FSIP2: variants seen among roughly 807,000 people sequenced by gnomAD.
FSIP2 encodes the protein fibrous sheath-interacting protein 2.
FSIP2 carries 367 observed loss-of-function variants against 510.5 expected under a neutral mutation model. That is an observed-to-expected ratio of 0.72 (90% CI 0.66 to 0.78). The LOEUF (loss-of-function observed/expected upper bound fraction) is 0.78, where lower values mean the gene tolerates loss of function less well. Ranked by LOEUF, FSIP2 falls within the 30% of genes least tolerant of loss-of-function variation. The pLI is 0.00. For missense variants in FSIP2, 7,594 were observed against 7,901.7 expected (o/e 0.96, Z 1.48); for synonymous variants, 2,601 against 2,732.2 (o/e 0.95, Z 1.50).
chr2:185,810,848 G>A (rs1693713551), intron 17 of FSIP2, among the ~76,000 whole-genome samples: 1 of 151,930 alleles, frequency 6.6e-6, no homozygotes, highest in Non-Finnish European at 1.5e-5. Context: ...GATGGACAAT[G>A]GTAATATGGA....
At chr2:185,826,752 G>T (rs528306403) in intron 20 of FSIP2, among the ~76,000 whole-genome samples, 1 of 151,886 alleles carries the variant, frequency 6.6e-6, no homozygotes, top group African/African-American at 2.4e-5. Context: ...AATGAGATAG[G>T]AGAGACTATT....
At chr2:185,761,562 T>A (rs11682752) in intron 10 of FSIP2, among the ~76,000 whole-genome samples, 28,174 of 151,188 alleles carry the variant, frequency 0.19, 2,952 homozygotes, top group Non-Finnish European at 0.23. Flanking sequence ...CCTGGAATGA[T>A]GAATTTTACT....
In FSIP2 at chr2:185,803,704, C is replaced by G. The variant is rs961212144; in HGVS notation, c.14398C>G (p.Gln4800Glu). The change falls in exon 17 of 23, where the codon CAG becomes GAG. Residue 4800 changes from glutamine (Q) to glutamate (E), a missense_variant. Gln to Glu is a conservative substitution (Grantham distance 29). Transcript: ENST00000424728. ...TAGTCATTTGGAAAAAATAGTTACT[C>G]AGCTTACATCTCAGATAAGTCCATT... ...SHSHLEKIVT[Q>E]LTSQISPLNT... 131 of 1,532,428 alleles carry G rather than the reference C, an allele frequency of 8.5e-5. No individual in the cohort carries two copies. The Middle Eastern group carries it at 1.8e-3, about 21-fold the overall frequency. 94.9% of individuals were successfully genotyped at this position (1,532,428 alleles called of 1,614,324 possible).
At position 185,805,861 on chromosome 2, in the gene FSIP2, G is replaced by A. The variant is rs1342543979; in HGVS notation, c.16555G>A (p.Glu5519Lys). The change falls in exon 17 of 23, where the codon GAA (glutamate) becomes AAA (lysine). Residue 5519 changes from glutamate (E) to lysine (K), a missense_variant. Glu to Lys is a moderately conservative substitution (Grantham distance 56). Transcript: ENST00000424728. ...GLATGVTNKKEVDENKVGICT... is the reference protein window; with the variant it reads ...GLATGVTNKKKVDENKVGICT... ...GGCTACAGGTGTGACAAATAAAAAG[G>A]AAGTGGATGAAAATAAAGTGGGAAT... 5.6e-6 allele frequency: 9 copies of A among 1,608,264 alleles called. No individual in the cohort carries two copies. The Admixed American group carries it at 1.5e-4, about 27-fold the overall frequency.
rs1693529866 is a variant in FSIP2 at position 185,804,990 on chromosome 2, G to T, written c.15684G>T (p.Met5228Ile). ...TCAGTAAATTAGCTGGTTTTATTAT[G>T]AAAGAAATCATGTATCATCATTTAC... Reference protein sequence around the residue: ...SFLSKLAGFIMKEIMYHHLQP... With the variant: ...SFLSKLAGFIIKEIMYHHLQP... Residue 5228 changes from methionine (M) to isoleucine (I), a missense_variant, in exon 17 of 23, where the codon ATG becomes ATT. Met to Ile is a conservative substitution (Grantham distance 10, BLOSUM62 1). Coordinates refer to ENST00000424728, the MANE Select transcript of FSIP2 (RefSeq NM_173651.4). 4 of 1,564,276 alleles carry T rather than the reference G, an allele frequency of 2.6e-6. No individual in the cohort carries two copies. The highest frequency in any genetic ancestry group is 3.4e-6 in the Non-Finnish European group (4 of 1,160,222).
chr2:185,791,282 G>A lies in FSIP2; in HGVS notation c.4146G>A (p.Lys1382=). 6.5e-7 allele frequency: 1 copy of A among 1,534,070 alleles called. No homozygotes were observed. Among genetic ancestry groups the A allele is most frequent in the Middle Eastern group, 1.7e-4 (1 of 5,970 alleles). The change falls in exon 16 of 23, where the codon AAG becomes AAA. Residue 1382 remains lysine, a synonymous_variant. Transcript: ENST00000424728. ...HQRSISLSSR[K]PKSATDSVDV... ...GAAGCATTTCACTCTCTTCTCGTAA[G>A]CCAAAGTCTGCAACTGACAGTGTTG...
intron 4 of FSIP2, 36 bp downstream of exon 4, chr2:185,744,447 G>C: frequency 2.0e-6 from 1 of 497,568 alleles, no homozygotes; most frequent in African/African-American, 2.0e-5. Context: ...TATTTACATA[G>C]AGTTTGGAAG....
chr2:185,773,017 T>C (rs1301687906), intron 13 of FSIP2, among the ~76,000 whole-genome samples: 1 of 152,026 alleles, frequency 6.6e-6, no homozygotes, highest in Non-Finnish European at 1.5e-5. Flanking sequence ...CATGCCACCA[T>C]ACCAGCTAGT....
In FSIP2 at chr2:185,744,762, T is replaced by C. The variant is rs542673161; in HGVS notation, c.477+351T>C. The C allele has an allele frequency of 1.3e-3, 196 of 153,292 alleles. 2 individuals carry two copies. The highest frequency in any genetic ancestry group is 1.9e-3 in the Non-Finnish European group (130 of 68,750). The allele number at this position is 153,292 out of a possible 1,614,324, so 9.5% of individuals were successfully genotyped here. A position where few individuals can be genotyped will look rare whatever the true frequency, so the allele number is the denominator to read the frequency against. ...TTGAAACCTAAAACAGTTTGAGCCA[T>C]AGGAAAAGAACAATAATTATCTGTA... On this transcript the variant is annotated intron_variant, in intron 4 of 22. Coordinates refer to ENST00000424728, the MANE Select transcript of FSIP2 (RefSeq NM_173651.4).
chr2:185,772,682 A>C (rs888572427), intron 13 of FSIP2, among the ~76,000 whole-genome samples: 11 of 152,172 alleles, frequency 7.2e-5, no homozygotes, highest in African/African-American at 2.7e-4. Context: ...CTGGGAGATT[A>C]CATTTCAAAC....
At position 185,803,939 on chromosome 2, in the gene FSIP2, A is replaced by C; in HGVS notation, c.14633A>C (p.Gln4878Pro). The C allele has an allele frequency of 6.6e-7, 1 of 1,511,986 alleles. No homozygotes were observed. Among genetic ancestry groups the C allele is most frequent in the Non-Finnish European group, 8.8e-7 (1 of 1,131,152 alleles). The allele number at this position is 1,511,986 out of a possible 1,614,324, so 93.7% of individuals were successfully genotyped here. ...YADLSHSNIY[Q>P]SITKDKKSIS... ...GATCTTTCTCATTCAAATATATACC[A>C]GTCCATTACAAAAGATAAAAAGAGC... is the stretch of plus-strand genomic sequence containing the variant. Residue 4878 changes from glutamine to proline, a missense_variant, in exon 17 of 23, where the codon CAG (glutamine) becomes CCG (proline). By Grantham distance (76) the Gln-to-Pro change is moderately conservative. Coordinates refer to ENST00000424728, the MANE Select transcript of FSIP2 (RefSeq NM_173651.4).
chr2:185,818,351 A>G (rs1356662016), intron 19 of FSIP2, among the ~76,000 whole-genome samples: 1 of 151,948 alleles, frequency 6.6e-6, no homozygotes, highest in Non-Finnish European at 1.5e-5. Context: ...ATCAGGCAGA[A>G]CAATATACAC....
In FSIP2 at chr2:185,792,727, T is replaced by C; in HGVS notation, c.5591T>C (p.Val1864Ala). The change falls in exon 16 of 23, where the codon GTA (valine) becomes GCA (alanine). Residue 1864 changes from valine (V) to alanine (A), a missense_variant. Coordinates refer to ENST00000424728, the MANE Select transcript of FSIP2 (RefSeq NM_173651.4). ...LYSAAMTERN[V>A]RENRYKTITF... ...TCAGCTGCCATGACAGAAAGAAATG[T>C]AAGGGAAAATAGGTATAAAACTATC... 2 of 1,533,984 alleles carry C rather than the reference T, an allele frequency of 1.3e-6. No homozygotes were observed. The highest frequency in any genetic ancestry group is 1.7e-4 in the Middle Eastern group (1 of 5,974).
intron 12 of FSIP2, among the ~76,000 whole-genome samples, chr2:185,764,102 C>T (rs1692410888): frequency 6.6e-6 from 1 of 151,352 alleles, no homozygotes; most frequent in Non-Finnish European, 1.5e-5. Flanking sequence ...AAAAAAATTC[C>T]TTTAAAAACA....
chr2:185,802,587 A>G lies in FSIP2; in HGVS notation c.13281A>G (p.Ser4427=). 6.5e-7 allele frequency: 1 copy of G among 1,531,080 alleles called. No individual in the cohort carries two copies. Among genetic ancestry groups the G allele is most frequent in the Non-Finnish European group, 8.7e-7 (1 of 1,144,628 alleles). The allele number at this position is 1,531,080 out of a possible 1,614,324, so 94.8% of individuals were successfully genotyped here. The change falls in exon 17 of 23, where the codon TCA becomes TCG. Residue 4427 remains serine (S), a synonymous_variant. Coordinates refer to ENST00000424728, the MANE Select transcript of FSIP2 (RefSeq NM_173651.4). ...ATCCACTGTTTTCTGGGGATTTTTC[A>G]GCTTCTACCTATTCTAATTCAGTGG... ...LLHPLFSGDF[S]ASTYSNSVAE... is the part of the protein sequence containing the mutation.
intron 2 of FSIP2, 80 bp downstream of exon 2, chr2:185,739,551 T>C: frequency 8.0e-7 from 1 of 1,244,480 alleles, no homozygotes; most frequent in Non-Finnish European, 1.0e-6. Context: ...CATACAAAAT[T>C]CATTAAAGGA....
intron 17 of FSIP2, 45 bp downstream of exon 17, chr2:185,809,178 A>G: frequency 1.5e-5 from 22 of 1,503,740 alleles, no homozygotes; most frequent in Non-Finnish European, 1.9e-5. Context: ...ATAGTGAGAC[A>G]TGGTTCTTCT....
chr2:185,787,395 A>G (rs1693014445), intron 15 of FSIP2, among the ~76,000 whole-genome samples: 2 of 151,666 alleles, frequency 1.3e-5, no homozygotes, highest in South Asian at 2.1e-4. Context: ...TGTGCTACAT[A>G]TATGTTAACT....
intron 17 of FSIP2, 47 bp downstream of exon 17, chr2:185,809,180 G>A (rs759161479): frequency 6.7e-7 from 1 of 1,496,856 alleles, no homozygotes; most frequent in African/African-American, 1.4e-5. Flanking sequence ...AGTGAGACAT[G>A]GTTCTTCTGT....
Sources: allele counts gnomAD v4.1 joint callset (sites outside exome capture counted in the v4.1 genomes callset), GRCh38; gene constraint gnomAD v4.1.1; transcripts MANE v1.5; gene names NCBI Gene and HGNC (gene_info 2026-07-23, HGNC 2026-07-21).